TNFRSF10C: variants seen among roughly 807,000 people sequenced by gnomAD.
The protein encoded by TNFRSF10C is tumor necrosis factor receptor superfamily member 10C.
TNFRSF10C carries 17 observed loss-of-function variants against 16.7 expected under a neutral mutation model. The observed-to-expected ratio is 1.02, with a 90% confidence interval of 0.70 to 1.53. The LOEUF (loss-of-function observed/expected upper bound fraction) is 1.53. TNFRSF10C is among the 40% of genes most tolerant of loss of function. The pLI is 0.00. For synonymous variants in TNFRSF10C, 73 were observed against 119.7 expected (o/e 0.61, Z 2.55); for missense variants, 237 against 329.7 (o/e 0.72, Z 2.18).
chr8:23,109,291 A>T (rs995840118), intron 1 of TNFRSF10C, among the ~76,000 whole-genome samples: 1 of 152,166 alleles, frequency 6.6e-6, no homozygotes, highest in Non-Finnish European at 1.5e-5. Flanking sequence ...AATAATCATA[A>T]TTATTAATTA....
At chr8:23,106,680 C>T (rs1813782658) in intron 1 of TNFRSF10C, among the ~76,000 whole-genome samples, 1 of 152,184 alleles carries the variant, frequency 6.6e-6, no homozygotes, top group African/African-American at 2.4e-5. Flanking sequence ...CTCGACTTCT[C>T]ATCCTTAAAA....
chr8:23,116,046 G>C (rs1484075452), intron 4 of TNFRSF10C, among the ~76,000 whole-genome samples: 1 of 152,184 alleles, frequency 6.6e-6, no homozygotes, highest in African/African-American at 2.4e-5. Flanking sequence ...GACCCATAAA[G>C]ACAAAAGTGG....
chr8:23,103,172 C>G lies in TNFRSF10C; in HGVS notation c.51C>G (p.Val17=). 6.2e-7 allele frequency: 1 copy of G among 1,611,416 alleles called. No homozygotes were observed. The highest frequency in any genetic ancestry group is 8.5e-7 in the Non-Finnish European group (1 of 1,179,068). ...AGTTCGTCGTCGTCATCGTCGCGGTCCTGCTGCCAGTGAGTCCCGGCCGCG... is the reference window on the plus strand; with the variant it reads ...AGTTCGTCGTCGTCATCGTCGCGGTGCTGCTGCCAGTGAGTCCCGGCCGCG... ...TLKFVVVIVA[V]LLPVLAYSAT... The change falls in exon 1 of 5, where the codon GTC becomes GTG. Residue 17 remains valine, a synonymous_variant. Transcript: ENST00000356864.
chr8:23,103,307 C>A, intron 1 of TNFRSF10C, 126 bp downstream of exon 1: 2 of 1,490,378 alleles, frequency 1.3e-6, no homozygotes, highest in Middle Eastern at 1.7e-4. Flanking sequence ...CCGGGCAGGA[C>A]GAACTCGCCG....
chr8:23,106,743 T>C (rs1272083143), intron 1 of TNFRSF10C, among the ~76,000 whole-genome samples: 2 of 151,292 alleles, frequency 1.3e-5, no homozygotes, highest in East Asian at 4.0e-4. Context: ...TCCCAGCACT[T>C]CGGGAGGTCA....
intron 1 of TNFRSF10C, 74 bp downstream of exon 1, chr8:23,103,255 C>G: frequency 6.4e-7 from 1 of 1,566,440 alleles, no homozygotes; most frequent in Non-Finnish European, 8.7e-7. Flanking sequence ...GACGGGGACA[C>G]GGCAGGGATG....
chr8:23,115,766 C>T (rs111474434), intron 4 of TNFRSF10C, 150 bp downstream of exon 4: 226 of 566,544 alleles, frequency 4.0e-4, no homozygotes, highest in Admixed American at 1.3e-4. Context: ...CTGCAGTGGC[C>T]GCTCCTGGTC....
chr8:23,114,278 G>A (rs910395607), intron 2 of TNFRSF10C, among the ~76,000 whole-genome samples: 4 of 152,114 alleles, frequency 2.6e-5, no homozygotes, highest in Non-Finnish European at 5.9e-5. Flanking sequence ...TAGGTTGGAT[G>A]TTATTTTGTG....
chr8:23,109,408 A>C (rs1813837516), intron 1 of TNFRSF10C, among the ~76,000 whole-genome samples: 2 of 151,884 alleles, frequency 1.3e-5, no homozygotes, highest in Non-Finnish European at 2.9e-5. Context: ...GAGGCCGAGG[A>C]GGGTGGATCA....
chr8:23,117,270 TC>T lies in TNFRSF10C; in HGVS notation c.*241del, dbSNP rs1436416922. On this transcript the variant is annotated 3_prime_UTR_variant, in exon 5 of 5. Transcript: ENST00000356864. ...AGGACCCTGGTCTCATCAGTCCCTC[TC>T]CTGGAGCTGGGGGTCCACACATCTC... is the stretch of plus-strand genomic sequence containing the variant. 2 of 616,018 alleles carry T rather than the reference TC, an allele frequency of 3.2e-6. No individual in the cohort carries two copies. Among genetic ancestry groups the T allele is most frequent in the Non-Finnish European group, 5.5e-6 (2 of 364,570 alleles). 38.2% of individuals were successfully genotyped at this position (616,018 alleles called of 1,614,324 possible). A position where few individuals can be genotyped will look rare whatever the true frequency, so the allele number is the denominator to read the frequency against.
rs775931934 is a variant in TNFRSF10C, at chr8:23,103,207, T to C, written c.60+26T>C. 3.1e-6 allele frequency: 5 copies of C among 1,603,254 alleles called. No individual in the cohort carries two copies. In the East Asian group the frequency reaches 1.1e-4, roughly 36 times the overall value. On this transcript the variant is annotated intron_variant, in intron 1 of 4. Transcript: ENST00000356864. ...GTGAGTCCCGGCCGCGGTCCCTGGCTGGGGAAGAGCGCACCTGGCGCCGGG... is the reference window on the plus strand; with the variant it reads ...GTGAGTCCCGGCCGCGGTCCCTGGCCGGGGAAGAGCGCACCTGGCGCCGGG...
intron 1 of TNFRSF10C, among the ~76,000 whole-genome samples, chr8:23,107,918 C>A (rs1813807401): frequency 6.6e-6 from 1 of 152,192 alleles, no homozygotes; most frequent in Non-Finnish European, 1.5e-5. Flanking sequence ...ATACACCATG[C>A]AGAGTGTAAG....
intron 1 of TNFRSF10C, among the ~76,000 whole-genome samples, chr8:23,104,764 T>C (rs1483228878): frequency 6.6e-6 from 1 of 152,214 alleles, no homozygotes; most frequent in African/African-American, 2.4e-5. Context: ...TTGCTATGTA[T>C]TTTTGTTTCC....
chr8:23,107,869 C>CA (rs532064786), intron 1 of TNFRSF10C, among the ~76,000 whole-genome samples: 42 of 152,286 alleles, frequency 2.8e-4, no homozygotes, highest in African/African-American at 9.4e-4. Flanking sequence ...AAAAGGAAGA[C>CA]ACAGATGTTG....
chr8:23,103,316 CG>C lies in TNFRSF10C; in HGVS notation c.60+136del. 3 of 1,468,622 alleles carry C rather than the reference CG, an allele frequency of 2.0e-6. No homozygotes were observed. In the South Asian group the frequency reaches 3.7e-5, roughly 18 times the overall value. 91.0% of individuals were successfully genotyped at this position (1,468,622 alleles called of 1,614,324 possible). A position where few individuals can be genotyped will look rare whatever the true frequency, so the allele number is the denominator to read the frequency against. On this transcript the variant is annotated intron_variant, in intron 1 of 4. Coordinates refer to ENST00000356864, the MANE Select transcript of TNFRSF10C (RefSeq NM_003841.5). ...GCATGTCCGGGCAGGACGAACTCGC[CG>C]TCGGAGTCAGGGGAAGAACTGGGTC...
At position 23,115,099 on chromosome 8, in the gene TNFRSF10C, C is replaced by T. The variant is rs28507466; in HGVS notation, c.280+329C>T. Among the ~76,000 whole-genome samples the T allele has an allele frequency of 2.7e-3, 410 of 152,206 alleles. 4 individuals are homozygous for T. The highest frequency in any genetic ancestry group is 9.1e-3 in the African/African-American group (376 of 41,518). Reference sequence around the variant, plus strand: ...CAGGCTCTCTCCCCCAGGCTCTGTGCTCCTGGCAGGTGCTCGGCCTCACTC... The same window carrying T: ...CAGGCTCTCTCCCCCAGGCTCTGTGTTCCTGGCAGGTGCTCGGCCTCACTC... On this transcript the variant is annotated intron_variant, in intron 3 of 4. Coordinates refer to ENST00000356864, the MANE Select transcript of TNFRSF10C (RefSeq NM_003841.5).
intron 1 of TNFRSF10C, among the ~76,000 whole-genome samples, chr8:23,105,784 C>T (rs775335729): frequency 1.2e-4 from 19 of 152,270 alleles, no homozygotes; most frequent in Non-Finnish European, 2.2e-4. Context: ...GAGCCTCTGC[C>T]GTTGGGCAGC....
chr8:23,109,885 G>A (rs1271046578), intron 1 of TNFRSF10C, among the ~76,000 whole-genome samples: 1 of 151,548 alleles, frequency 6.6e-6, no homozygotes, highest in Non-Finnish European at 1.5e-5. Context: ...GCAACATGGC[G>A]AAACCCCAGC....
intron 1 of TNFRSF10C, among the ~76,000 whole-genome samples, chr8:23,107,078 G>A (rs959884009): frequency 2.0e-5 from 3 of 152,176 alleles, no homozygotes. Flanking sequence ...AGGGTGGGCA[G>A]GGTGCGATGG....
Sources: gnomAD v4.1 joint callset for allele counts (sites outside exome capture counted in the v4.1 genomes callset) on GRCh38, gnomAD v4.1.1 for gene constraint, MANE v1.5 for transcripts, NCBI Gene and HGNC (gene_info 2026-07-23, HGNC 2026-07-21) for gene names.